The following TMEM248 variants were observed in gnomAD, a reference collection of about 807,000 sequenced individuals.
TMEM248 encodes transmembrane protein 248, also known as UPF0458 protein C7orf42.
TMEM248 carries 9 observed loss-of-function variants against 30.3 expected under a neutral mutation model. The observed-to-expected ratio is 0.30, with a 90% CI of 0.18 to 0.52. The LOEUF is 0.52. TMEM248 is among the 20% of genes least tolerant of loss of function. TMEM248 has a pLI of 0.97. For missense variants in TMEM248, 338 were observed against 403.3 expected (o/e 0.84, Z 1.39); for synonymous variants, 184 against 154.4 (o/e 1.19, Z -1.42).
At chr7:66,932,431 G>C (rs1791691751) in intron 1 of TMEM248, among the ~76,000 whole-genome samples, 1 of 152,088 alleles carries the variant, frequency 6.6e-6, no homozygotes, top group African/African-American at 2.4e-5. Flanking sequence ...AGCGCCTTCT[G>C]TTGGTTACCT....
rs1429868776 is a variant in TMEM248 at position 66,942,040 on chromosome 7, A to G, written c.159+16A>G. On this transcript the variant is annotated intron_variant, in intron 2 of 6. Transcript: ENST00000341567. Reference sequence around the variant, plus strand: ...AATGGCAGAGGTATAGTATGCTCTGACTTCTCCCGGGCTGGCTGGTCCTTG... The same window carrying G: ...AATGGCAGAGGTATAGTATGCTCTGGCTTCTCCCGGGCTGGCTGGTCCTTG... 13 of 1,609,250 alleles carry G rather than the reference A, an allele frequency of 8.1e-6. No individual in the cohort carries two copies. In the African/African-American group the frequency reaches 1.5e-4, roughly 18 times the overall value.
At chr7:66,940,704 A>G (rs1232457776) in intron 1 of TMEM248, among the ~76,000 whole-genome samples, 2 of 152,236 alleles carry the variant, frequency 1.3e-5, no homozygotes, top group African/African-American at 2.4e-5. Context: ...GGGCCATGAC[A>G]GGGAGCTATT....
intron 1 of TMEM248, among the ~76,000 whole-genome samples, chr7:66,937,031 CTTT>C (rs1584403368): frequency 6.6e-6 from 1 of 151,896 alleles, no homozygotes; most frequent in Admixed American, 6.6e-5. Context: ...TGTTTTTCTA[CTTT>C]TTTATGTAGG....
In TMEM248 at chr7:66,956,542, A is replaced by T. The variant is rs188999606; in HGVS notation, c.*1020A>T. On this transcript the variant is annotated 3_prime_UTR_variant, in exon 7 of 7. Coordinates refer to ENST00000341567, the MANE Select transcript of TMEM248 (RefSeq NM_017994.5). ...TTTGTTTTGCTTTTATTTTCATGCT[A>T]CTAACATATCTTCAGAAGGAAATGG... 7.0e-4 allele frequency: 107 copies of T among 152,300 alleles called. No homozygotes were observed. The highest frequency in any genetic ancestry group is 2.5e-3 in the African/African-American group (103 of 41,544). 9.4% of individuals were successfully genotyped at this position (152,300 alleles called of 1,614,324 possible).
intron 3 of TMEM248, among the ~76,000 whole-genome samples, chr7:66,947,956 T>C (rs1792155422): frequency 6.6e-6 from 1 of 152,012 alleles, no homozygotes; most frequent in African/African-American, 2.4e-5. Flanking sequence ...CTTGCTGTCA[T>C]GTTCAGGCTG....
At chr7:66,943,516 G>A (rs1464819133) in intron 2 of TMEM248, among the ~76,000 whole-genome samples, 1 of 152,126 alleles carries the variant, frequency 6.6e-6, no homozygotes, top group Non-Finnish European at 1.5e-5. Context: ...AAACATTTGG[G>A]GCTGTGAATC....
At chr7:66,929,186 G>A (rs1791601857) in intron 1 of TMEM248, among the ~76,000 whole-genome samples, 3 of 152,252 alleles carry the variant, frequency 2.0e-5, no homozygotes, top group Admixed American at 6.5e-5. Context: ...TTTGAATCCA[G>A]GTTCACTTCC....
intron 1 of TMEM248, among the ~76,000 whole-genome samples, chr7:66,927,839 T>A (rs1409770823): frequency 1.3e-5 from 2 of 152,152 alleles, no homozygotes; most frequent in African/African-American, 4.8e-5. Context: ...AACAAGACAC[T>A]ATTGGCAGAA....
intron 4 of TMEM248, 109 bp downstream of exon 4, chr7:66,948,803 T>TTA (rs1792184205): frequency 8.3e-7 from 1 of 1,202,118 alleles, no homozygotes; most frequent in African/African-American, 1.5e-5. Flanking sequence ...TCACATTTCT[T>TTA]TATAGAATTA....
rs1791382454 is a variant in TMEM248 at position 66,921,451 on chromosome 7, G to T, written c.-29G>T. 1 of 150,400 alleles carries T rather than the reference G, an allele frequency of 6.6e-6. No individual in the cohort carries two copies. The highest frequency in any genetic ancestry group is 1.5e-5 in the Non-Finnish European group (1 of 67,500). 9.3% of individuals were successfully genotyped at this position (150,400 alleles called of 1,614,324 possible). A position where few individuals can be genotyped will look rare whatever the true frequency, so the allele number is the denominator to read the frequency against. ...CTGGGCCCGGGGCGCGCAGCTGCCCGCCGGGGCGGGGTGAGCCGGGGCTGG... is the reference window on the plus strand; with the variant it reads ...CTGGGCCCGGGGCGCGCAGCTGCCCTCCGGGGCGGGGTGAGCCGGGGCTGG... On this transcript the variant is annotated 5_prime_UTR_variant, in exon 1 of 7. Coordinates refer to ENST00000341567, the MANE Select transcript of TMEM248 (RefSeq NM_017994.5).
chr7:66,936,696 T>C (rs1166113334), intron 1 of TMEM248, among the ~76,000 whole-genome samples: 2 of 152,188 alleles, frequency 1.3e-5, no homozygotes, highest in African/African-American at 2.4e-5. Context: ...GTAGGTTGTG[T>C]GTGTATAGGA....
rs528221391 is a variant in TMEM248, at chr7:66,925,832, A to T, written c.-19+4371A>T. Reference sequence around the variant, plus strand: ...AATTTTTTGTATTTTTAGTAGAGACAGGGTTTCACCATGTTGGTCAGGCTG... The same window carrying T: ...AATTTTTTGTATTTTTAGTAGAGACTGGGTTTCACCATGTTGGTCAGGCTG... On this transcript the variant is annotated intron_variant, in intron 1 of 6. Transcript: ENST00000341567. Among the ~76,000 whole-genome samples, 8 of 151,700 alleles carry T rather than the reference A, an allele frequency of 5.3e-5. No homozygotes were observed. In the East Asian group the frequency reaches 1.6e-3, roughly 29 times the overall value.
At chr7:66,938,898 A>G (rs1436559543) in intron 1 of TMEM248, among the ~76,000 whole-genome samples, 1 of 152,244 alleles carries the variant, frequency 6.6e-6, no homozygotes, top group African/African-American at 2.4e-5. Flanking sequence ...TAAAACTGTT[A>G]AAGGCTTAGT....
Position 66,925,672 on chromosome 7 carries a change from A to G in TMEM248, c.-19+4211A>G, listed in dbSNP as rs369428660. Among the ~76,000 whole-genome samples, 192 of 150,708 alleles carry G rather than the reference A, an allele frequency of 1.3e-3. 1 individual carries two copies. Among genetic ancestry groups the G allele is most frequent in the African/African-American group, 4.5e-3 (185 of 41,258 alleles). The stretch of plus-strand genomic sequence containing the variant: ...AGCAGTGGGATTGCTGGATCATGAA[A>G]TAATTCTATTTGTAGTTTTTTCTTT... On this transcript the variant is annotated intron_variant, in intron 1 of 6. Coordinates refer to ENST00000341567, the MANE Select transcript of TMEM248 (RefSeq NM_017994.5).
At chr7:66,938,948 A>G (rs1791875937) in intron 1 of TMEM248, among the ~76,000 whole-genome samples, 1 of 152,276 alleles carries the variant, frequency 6.6e-6, no homozygotes, top group Non-Finnish European at 1.5e-5. Context: ...TCAATAAGAA[A>G]TAGACTAACA....
Position 66,939,290 on chromosome 7 carries a change from C to T in TMEM248, c.-18-2558C>T, listed in dbSNP as rs79669133. ...AGCCACTCTTGTACCTGTTGCAATGCGCTTGGTGGGTGAAACAGTAACAGG... is the reference window on the plus strand; with the variant it reads ...AGCCACTCTTGTACCTGTTGCAATGTGCTTGGTGGGTGAAACAGTAACAGG... On this transcript the variant is annotated intron_variant, in intron 1 of 6. Coordinates refer to ENST00000341567, the MANE Select transcript of TMEM248 (RefSeq NM_017994.5). Among the ~76,000 whole-genome samples, 443 of 152,258 alleles carry T rather than the reference C, an allele frequency of 2.9e-3. 17 individuals carry two copies. The East Asian group carries it at 0.076, about 26-fold the overall frequency.
At chr7:66,953,447 A>T in intron 6 of TMEM248, 78 bp downstream of exon 6, 2 of 1,541,070 alleles carry the variant, frequency 1.3e-6, no homozygotes, top group Non-Finnish European at 1.8e-6. Flanking sequence ...TCCTTATTCT[A>T]TTTATTGTGG....
Position 66,952,539 on chromosome 7 carries a change from G to T in TMEM248, c.781-687G>T, listed in dbSNP as rs571817156. On this transcript the variant is annotated intron_variant, in intron 5 of 6. Coordinates refer to ENST00000341567, the MANE Select transcript of TMEM248 (RefSeq NM_017994.5). ...AGCAGTGTGTTGAGAAGACTGAGCTGCCCCGCTATGTTATAAATGACCTGG... is the reference window on the plus strand; with the variant it reads ...AGCAGTGTGTTGAGAAGACTGAGCTTCCCCGCTATGTTATAAATGACCTGG... 3.3e-5 allele frequency among the ~76,000 whole-genome samples: 5 copies of T among 152,314 alleles called. No individual in the cohort carries two copies. In the East Asian group the frequency reaches 9.6e-4, roughly 29 times the overall value.
chr7:66,935,766 A>ACT (rs1005174627), intron 1 of TMEM248, among the ~76,000 whole-genome samples: 27 of 151,644 alleles, frequency 1.8e-4, no homozygotes, highest in African/African-American at 6.0e-4. Context: ...CTGGTCTCGA[A>ACT]CTCCTGGCTT....
Sources: allele counts gnomAD v4.1 joint callset (sites outside exome capture counted in the v4.1 genomes callset), GRCh38; gene constraint gnomAD v4.1.1; transcripts MANE v1.5; gene names NCBI Gene and HGNC (gene_info 2026-07-23, HGNC 2026-07-21).